ZNF385C: variants seen among roughly 807,000 people sequenced by gnomAD.
The protein encoded by ZNF385C is zinc finger protein 385C.
A neutral mutation model predicts 35.4 loss-of-function variants in ZNF385C; 28 were observed. That is an observed-to-expected ratio of 0.79 (90% CI 0.59 to 1.08). ZNF385C has a LOEUF of 1.08. Ranked by LOEUF, ZNF385C falls within the 50% of genes least tolerant of loss-of-function variation. The pLI, the probability that ZNF385C is intolerant of heterozygous loss-of-function variation, is 0.00. For synonymous variants in ZNF385C, 248 were observed against 248.2 expected, an observed-to-expected ratio of 1.00 and a Z score of 0.01; for missense variants, 605 against 595.6, an observed-to-expected ratio of 1.02 and a Z score of -0.16.
chr17:42,039,783 G>T (rs1567986363), intron 2 of ZNF385C: 4 of 1,232,156 alleles, frequency 3.2e-6, no homozygotes, highest in South Asian at 8.2e-5. Flanking sequence ...AGTCAAACTC[G>T]TGCAGCGGGG....
Position 42,029,047 on chromosome 17 carries a change from G to A in ZNF385C, c.703C>T (p.Pro235Ser). ...TCTGGAGTTGGTGGTGGCTGGAGTG[G>A]AGGCCCAAGAGGAGGGGCTGCAGGA... ...KVPAAPPLGP[P>S]LQPPPTPDPT... is the part of the protein sequence containing the mutation. The change falls in exon 6 of 9, where the codon CCA becomes TCA. Residue 235 changes from proline (P) to serine (S), a missense_variant. By Grantham distance (74) the Pro-to-Ser change is moderately conservative. Coordinates refer to ENST00000692273, the MANE Select transcript of ZNF385C (RefSeq NM_001392013.1). 1 of 1,549,822 alleles carries A rather than the reference G, an allele frequency of 6.5e-7. No homozygotes were observed. The highest frequency in any genetic ancestry group is 2.4e-5 in the East Asian group (1 of 40,914).
At chr17:42,047,192 C>T (rs1191685934) in intron 2 of ZNF385C, among the ~76,000 whole-genome samples, 3 of 152,160 alleles carry the variant, frequency 2.0e-5, no homozygotes, top group Admixed American at 6.5e-5. Context: ...CCACCATGCC[C>T]GGCTAATTTT....
chr17:42,055,035 G>C (rs1370568088), intron 2 of ZNF385C, among the ~76,000 whole-genome samples: 1 of 152,042 alleles, frequency 6.6e-6, no homozygotes, highest in Non-Finnish European at 1.5e-5. Context: ...GGGGTGGAGT[G>C]GGGGAAGGAG....
rs146484503 is a variant in ZNF385C at position 42,036,155 on chromosome 17, C to T, written c.399+1582G>A. The stretch of plus-strand genomic sequence containing the variant: ...GACTACAGGTGCCCACTACCATGCT[C>T]GGCTAATTTTTGTATTTTTAGTAGA... On this transcript the variant is annotated intron_variant, in intron 3 of 8. Coordinates refer to ENST00000692273, the MANE Select transcript of ZNF385C (RefSeq NM_001392013.1). 7.0e-3 allele frequency among the ~76,000 whole-genome samples: 1,059 copies of T among 151,900 alleles called. 3 individuals carry two copies. The highest frequency in any genetic ancestry group is 0.014 in the Middle Eastern group (4 of 292).
chr17:42,057,255 GTCA>G (rs1471956595), intron 2 of ZNF385C, among the ~76,000 whole-genome samples: 1 of 152,154 alleles, frequency 6.6e-6, no homozygotes, highest in African/African-American at 2.4e-5. Flanking sequence ...GAGACTGAAT[GTCA>G]TCATCCGTGC....
intron 2 of ZNF385C, chr17:42,061,163 C>T (rs970717649): frequency 1.3e-5 from 2 of 148,898 alleles, no homozygotes; most frequent in African/African-American, 5.0e-5. Flanking sequence ...AAGCAGCTTA[C>T]ACCTAGTAGG....
chr17:42,053,152 C>G (rs2053314871), intron 2 of ZNF385C, among the ~76,000 whole-genome samples: 1 of 152,182 alleles, frequency 6.6e-6, no homozygotes, highest in African/African-American at 2.4e-5. Context: ...TGCCCCCAAG[C>G]TGGAGGAAGA....
At chr17:42,065,328 TGA>T (rs1171895356) in intron 1 of ZNF385C, 1 of 152,240 alleles carries the variant, frequency 6.6e-6, no homozygotes, top group Non-Finnish European at 1.5e-5. Context: ...TCGAAGCCAC[TGA>T]GTCTGTGGTA....
chr17:42,039,997 A>G (rs890935812), intron 2 of ZNF385C: 28 of 1,230,872 alleles, frequency 2.3e-5, no homozygotes, highest in Non-Finnish European at 2.6e-5. Flanking sequence ...CTGGGTGCAC[A>G]GGGCCCGCGG....
intron 1 of ZNF385C, chr17:42,065,419 G>A (rs1283700598): frequency 1.3e-5 from 2 of 152,216 alleles, no homozygotes; most frequent in Admixed American, 1.3e-4. Context: ...TGCTTACTTT[G>A]CAGATCAGAC....
At chr17:42,064,846 T>C (rs2053524951) in intron 1 of ZNF385C, among the ~76,000 whole-genome samples, 2 of 152,088 alleles carry the variant, frequency 1.3e-5, no homozygotes, top group Non-Finnish European at 2.9e-5. Context: ...ATTACAGCCA[T>C]GAGCCACTGC....
chr17:42,026,850 G>A lies in ZNF385C; in HGVS notation c.*47C>T, dbSNP rs2052588727. On this transcript the variant is annotated 3_prime_UTR_variant, in exon 9 of 9. Transcript: ENST00000692273. ...ACCAAGGTGTCTCAGGACAGGAGGAGACAAGGAGTGGCTATTGGGAAATCA... is the reference window on the plus strand; with the variant it reads ...ACCAAGGTGTCTCAGGACAGGAGGAAACAAGGAGTGGCTATTGGGAAATCA... 6.5e-7 allele frequency: 1 copy of A among 1,529,252 alleles called. No individual in the cohort carries two copies. Among genetic ancestry groups the A allele is most frequent in the Non-Finnish European group, 8.9e-7 (1 of 1,124,602 alleles). The allele number at this position is 1,529,252 out of a possible 1,614,324, so 94.7% of individuals were successfully genotyped here.
chr17:42,040,021 A>G, intron 2 of ZNF385C: 1 of 1,231,048 alleles, frequency 8.1e-7, no homozygotes, highest in Non-Finnish European at 1.0e-6. Flanking sequence ...GAGCCGCCCA[A>G]GGCCGAATAC....
chr17:42,043,485 G>A, intron 2 of ZNF385C: 1 of 1,018,040 alleles, frequency 9.8e-7, no homozygotes, highest in Non-Finnish European at 1.3e-6. Context: ...TGGGGAGGCA[G>A]GCTGGGGGCA....
chr17:42,073,709 T>TC (rs2053655915), intron 1 of ZNF385C, among the ~76,000 whole-genome samples: 1 of 152,096 alleles, frequency 6.6e-6, no homozygotes, highest in Admixed American at 6.5e-5. Context: ...TGGCACGACC[T>TC]CCTAAGAGCA....
intron 2 of ZNF385C, chr17:42,040,850 G>A: frequency 8.1e-7 from 1 of 1,232,354 alleles, no homozygotes; most frequent in Non-Finnish European, 1.0e-6. Flanking sequence ...AGACAATGCA[G>A]CTCTGCCAGC....
intron 1 of ZNF385C, among the ~76,000 whole-genome samples, chr17:42,064,018 G>A (rs970838017): frequency 6.6e-6 from 1 of 150,944 alleles, no homozygotes; most frequent in Admixed American, 6.6e-5. Flanking sequence ...TGCCTGGGTC[G>A]GCTGAAGACA....
chr17:42,080,480 T>G (rs781820452), intron 1 of ZNF385C, among the ~76,000 whole-genome samples: 1 of 152,098 alleles, frequency 6.6e-6, no homozygotes, highest in Admixed American at 6.5e-5. Context: ...CTCCTCAATA[T>G]GAGAAACTAA....
intron 2 of ZNF385C, among the ~76,000 whole-genome samples, chr17:42,046,011 C>T (rs1196433300): frequency 6.6e-6 from 1 of 152,176 alleles, no homozygotes; most frequent in Non-Finnish European, 1.5e-5. Flanking sequence ...GCCTAGAATT[C>T]CCTCTCCCTC....
Sources: gnomAD v4.1 joint callset for allele counts (sites outside exome capture counted in the v4.1 genomes callset) on GRCh38, gnomAD v4.1.1 for gene constraint, MANE v1.5 for transcripts, NCBI Gene and HGNC (gene_info 2026-07-23, HGNC 2026-07-21) for gene names.